SPAG6: variants seen among roughly 807,000 people sequenced by gnomAD.
The protein encoded by SPAG6 is sperm associated antigen 6.
A neutral mutation model predicts 58.5 loss-of-function variants in SPAG6; 49 were observed. The observed-to-expected ratio is 0.84, with a 90% CI of 0.67 to 1.06. SPAG6 has a LOEUF of 1.06. Among genes scored for constraint, SPAG6 ranks in the 50% least tolerant of loss-of-function variants. The pLI is 0.00. For missense variants in SPAG6, 560 were observed against 611.3 expected (o/e 0.92, Z 0.89); for synonymous variants, 233 against 225.6 (o/e 1.03, Z -0.29).
intron 7 of SPAG6, 148 bp downstream of exon 7, chr10:22,389,460 G>A (rs1270441425): frequency 2.0e-5 from 14 of 714,284 alleles, no homozygotes; most frequent in Middle Eastern, 4.0e-4. Context: ...ATGCTTATTA[G>A]CAAGTTTTAT....
intron 8 of SPAG6, among the ~76,000 whole-genome samples, chr10:22,398,853 C>T (rs1019203347): frequency 2.6e-5 from 4 of 152,098 alleles, no homozygotes; most frequent in Non-Finnish European, 5.9e-5. Flanking sequence ...GAGTCTCACT[C>T]TGTTGCCCAG....
intron 2 of SPAG6, among the ~76,000 whole-genome samples, chr10:22,349,753 T>C (rs896480755): frequency 2.6e-5 from 4 of 152,166 alleles, no homozygotes; most frequent in Non-Finnish European, 5.9e-5. Context: ...AATAAATAAG[T>C]TTGCGTAACA....
intron 9 of SPAG6, among the ~76,000 whole-genome samples, chr10:22,409,679 AAG>A (rs1163612094): frequency 1.3e-5 from 2 of 152,204 alleles, no homozygotes; most frequent in Non-Finnish European, 2.9e-5. Flanking sequence ...ATCAGAAAAA[AAG>A]AGCGTTTCGG....
At chr10:22,411,420 T>C (rs1834732517) in intron 10 of SPAG6, 1 of 349,770 alleles carries the variant, frequency 2.9e-6, no homozygotes, top group East Asian at 5.0e-5. Flanking sequence ...TAACATGTGC[T>C]TTACTAAAGA....
At chr10:22,352,193 ATG>A in intron 2 of SPAG6, among the ~76,000 whole-genome samples, 1 of 151,604 alleles carries the variant, frequency 6.6e-6, no homozygotes. Flanking sequence ...AACAAGTGAT[ATG>A]TGTGTGTGCG....
chr10:22,386,996 C>T (rs1255596294), intron 5 of SPAG6, 37 bp downstream of exon 5: 3 of 1,492,654 alleles, frequency 2.0e-6, no homozygotes, highest in Non-Finnish European at 2.8e-6. Context: ...CATCAGCCTT[C>T]TTATAATGTA....
At chr10:22,406,363 A>T (rs577574107) in intron 9 of SPAG6, among the ~76,000 whole-genome samples, 3 of 152,192 alleles carry the variant, frequency 2.0e-5, no homozygotes, top group Admixed American at 2.0e-4. Flanking sequence ...GTTTCAAAGA[A>T]CATCTTTATT....
chr10:22,391,586 C>A, intron 7 of SPAG6, 143 bp from the exon 8 acceptor site: 2 of 628,122 alleles, frequency 3.2e-6, no homozygotes, highest in Non-Finnish European at 5.4e-6. Flanking sequence ...AAATGACAGC[C>A]CCTGTGATGT....
At position 22,386,912 on chromosome 10, in the gene SPAG6, G is replaced by A. The variant is rs1314429426; in HGVS notation, c.631G>A (p.Val211Ile). The change falls in exon 5 of 11, where the codon GTT (valine) becomes ATT (isoleucine). Residue 211 changes from valine (V) to isoleucine (I), a missense_variant. Val to Ile is a conservative substitution (Grantham distance 29, BLOSUM62 3). Transcript: ENST00000376624. ...ACAGACAGTAGTGGATGCAGGAGCT[G>A]TTGCTCATTTAGCCCAGATGATCCT... ...LAQTVVDAGA[V>I]AHLAQMILNP... 6.8e-6 allele frequency: 11 copies of A among 1,613,830 alleles called. No individual in the cohort carries two copies. The highest frequency in any genetic ancestry group is 8.5e-6 in the Non-Finnish European group (10 of 1,179,806).
At chr10:22,377,343 G>C (rs927949027) in intron 4 of SPAG6, among the ~76,000 whole-genome samples, 6 of 152,216 alleles carry the variant, frequency 3.9e-5, no homozygotes, top group African/African-American at 1.4e-4. Flanking sequence ...ACCTAGCTAA[G>C]CTGCTCCTGA....
chr10:22,409,436 G>A (rs1467664342), intron 9 of SPAG6, among the ~76,000 whole-genome samples: 3 of 152,148 alleles, frequency 2.0e-5, no homozygotes, highest in Non-Finnish European at 4.4e-5. Flanking sequence ...CATGTACCCA[G>A]CTCTCTGTTG....
chr10:22,404,594 G>C (rs1252605171), intron 9 of SPAG6, among the ~76,000 whole-genome samples: 1 of 123,828 alleles, frequency 8.1e-6, no homozygotes, highest in Non-Finnish European at 1.7e-5. Context: ...TGTTCTTTTG[G>C]CTTAGGATTG....
At chr10:22,360,916 G>C in intron 2 of SPAG6, 1 of 982,904 alleles carries the variant, frequency 1.0e-6, no homozygotes, top group Non-Finnish European at 1.5e-6. Context: ...TCCTTCCATT[G>C]TCACCATTTT....
chr10:22,412,354 G>C (rs983494441), intron 10 of SPAG6: 1 of 637,248 alleles, frequency 1.6e-6, no homozygotes, highest in Non-Finnish European at 2.7e-6. Context: ...TAATATCAAT[G>C]GTGTTTAATA....
chr10:22,401,998 G>A (rs1166817653), intron 9 of SPAG6, among the ~76,000 whole-genome samples: 1 of 152,166 alleles, frequency 6.6e-6, no homozygotes, highest in Non-Finnish European at 1.5e-5. Context: ...GCCCATGGTG[G>A]TTATGAGCTC....
chr10:22,361,125 C>A (rs867221486), intron 2 of SPAG6: 4 of 362,056 alleles, frequency 1.1e-5, no homozygotes, highest in African/African-American at 8.4e-5. Context: ...TGACTATTTT[C>A]TTTTCCAATA....
chr10:22,360,312 TTTTG>T (rs1475610192), intron 2 of SPAG6, among the ~76,000 whole-genome samples: 5 of 151,688 alleles, frequency 3.3e-5, no homozygotes, highest in African/African-American at 1.2e-4. Flanking sequence ...GTCTTCTTGT[TTTTG>T]TTTGTTTTTT....
At chr10:22,412,245 TTTGA>T (rs1248419408) in intron 10 of SPAG6, among the ~76,000 whole-genome samples, 1 of 152,230 alleles carries the variant, frequency 6.6e-6, no homozygotes, top group Admixed American at 6.5e-5. Context: ...TCTTATTTTC[TTTGA>T]TTAATATTGG....
chr10:22,393,318 G>T (rs936224150), intron 8 of SPAG6, among the ~76,000 whole-genome samples: 3 of 151,968 alleles, frequency 2.0e-5, no homozygotes, highest in African/African-American at 7.2e-5. Flanking sequence ...TAAAGTAAAG[G>T]GATGTATGAG....
Sources: gnomAD v4.1 joint callset for allele counts (sites outside exome capture counted in the v4.1 genomes callset) on GRCh38, gnomAD v4.1.1 for gene constraint, MANE v1.5 for transcripts, NCBI Gene and HGNC (gene_info 2026-07-23, HGNC 2026-07-21) for gene names.